The following TANC1 variants were observed in gnomAD, a reference collection of about 807,000 sequenced individuals.
The protein encoded by TANC1 is protein TANC1.
Under a neutral mutation model 149.7 loss-of-function variants are expected in TANC1, and 77 were observed. That is an observed-to-expected ratio of 0.51 (90% CI 0.43 to 0.62). The LOEUF (loss-of-function observed/expected upper bound fraction) is 0.62. Among genes scored for constraint, TANC1 ranks in the 20% least tolerant of loss-of-function variants. The pLI is 0.00. For synonymous variants in TANC1, 854 were observed against 925.0 expected (o/e 0.92, Z 1.39); for missense variants, 1,985 against 2,321.8 (o/e 0.85, Z 2.98).
At position 159,230,480 on chromosome 2, in the gene TANC1, G is replaced by A. The variant is rs2060281222; in HGVS notation, c.5054G>A (p.Ser1685Asn). The A allele has an allele frequency of 6.2e-7, 1 of 1,614,070 alleles. No homozygotes were observed. Among genetic ancestry groups the A allele is most frequent in the Non-Finnish European group, 8.5e-7 (1 of 1,180,050 alleles). Residue 1685 changes from serine to asparagine, a missense_variant, in exon 27 of 27, where the codon AGC (serine) becomes AAC (asparagine). Ser to Asn is a conservative substitution (Grantham distance 46). Around this residue, in one of 3 missense-constraint regions of TANC1, gnomAD observed 920 missense variants for 994.7 expected, o/e 0.92. Transcript: ENST00000263635. The surrounding 1 kb of genome is among the most constrained non-coding windows in gnomAD (Gnocchi z 4.4). ...MSSSTSSLTS[S>N]SSFSDGFKVQ... Reference sequence around the variant, plus strand: ...AGTTCAACCAGTAGTTTGACTTCGAGCAGCAGTTTTTCAGATGGCTTCAAG... The same window carrying A: ...AGTTCAACCAGTAGTTTGACTTCGAACAGCAGTTTTTCAGATGGCTTCAAG...
At chr2:159,122,975 G>A (rs72945717) in intron 4 of TANC1, among the ~76,000 whole-genome samples, 4 of 152,104 alleles carry the variant, frequency 2.6e-5, no homozygotes, top group Non-Finnish European at 5.9e-5. Flanking sequence ...ACCTAGTCAG[G>A]TTGAAACTAT....
intron 3 of TANC1, among the ~76,000 whole-genome samples, chr2:159,068,248 C>A (rs1411360131): frequency 6.6e-6 from 1 of 152,146 alleles, no homozygotes. Flanking sequence ...TAAATCATAG[C>A]TAAGATTTTC....
intron 8 of TANC1, among the ~76,000 whole-genome samples, chr2:159,165,436 T>C (rs375600740): frequency 6.6e-6 from 1 of 152,236 alleles, no homozygotes; most frequent in African/African-American, 2.4e-5. Context: ...TTAAACTAAA[T>C]GCATATTTTG....
At chr2:159,215,181 ACTGC>A (rs1030711087) in intron 19 of TANC1, among the ~76,000 whole-genome samples, 3 of 152,280 alleles carry the variant, frequency 2.0e-5, no homozygotes, top group African/African-American at 7.2e-5. Context: ...CAAGACCAGG[ACTGC>A]CTGCTGCCCA....
intron 4 of TANC1, among the ~76,000 whole-genome samples, chr2:159,100,180 G>T (rs1471210266): frequency 6.6e-6 from 1 of 152,176 alleles, no homozygotes; most frequent in African/African-American, 2.4e-5. Context: ...TACTGCAAAT[G>T]AATTAATGTT....
At chr2:159,146,303 AG>A (rs767044755) in intron 5 of TANC1, among the ~76,000 whole-genome samples, 11 of 152,326 alleles carry the variant, frequency 7.2e-5, no homozygotes, top group Non-Finnish European at 1.6e-4. Flanking sequence ...GGACCTTTTA[AG>A]GGGATGATCA....
chr2:159,190,899 A>G (rs1178371370), intron 16 of TANC1, among the ~76,000 whole-genome samples: 1 of 152,204 alleles, frequency 6.6e-6, no homozygotes, highest in Non-Finnish European at 1.5e-5. Context: ...AATGCTTTTG[A>G]ATTAGATCAG....
intron 1 of TANC1, among the ~76,000 whole-genome samples, chr2:158,991,615 G>A (rs1407352201): frequency 2.0e-5 from 3 of 152,028 alleles, no homozygotes; most frequent in South Asian, 2.1e-4. Context: ...TTAGCCAGGC[G>A]TGGTGGCGGG....
intron 4 of TANC1, among the ~76,000 whole-genome samples, chr2:159,111,082 G>A (rs975188557): frequency 2.0e-5 from 3 of 152,224 alleles, no homozygotes; most frequent in African/African-American, 7.2e-5. Context: ...CCAGCTCTTA[G>A]AACTGGTGAT....
chr2:159,016,581 G>T (rs264617), intron 2 of TANC1, among the ~76,000 whole-genome samples: 65,714 of 147,106 alleles, frequency 0.45, 15,087 homozygotes, highest in African/African-American at 0.57. Flanking sequence ...AAAATTTTTT[G>T]TTTTTTTTTT....
chr2:159,110,678 A>T (rs956808273), intron 4 of TANC1, among the ~76,000 whole-genome samples: 5 of 152,228 alleles, frequency 3.3e-5, no homozygotes, highest in African/African-American at 9.7e-5. Context: ...TTTAAACAAG[A>T]TGTAGACTGT....
intron 7 of TANC1, among the ~76,000 whole-genome samples, chr2:159,151,374 T>C (rs1295503239): frequency 6.6e-6 from 1 of 152,252 alleles, no homozygotes; most frequent in Non-Finnish European, 1.5e-5. Flanking sequence ...AGGTAACAGA[T>C]GGGTGGGACC....
At chr2:159,110,244 A>G (rs927702011) in intron 4 of TANC1, among the ~76,000 whole-genome samples, 1 of 152,210 alleles carries the variant, frequency 6.6e-6, no homozygotes, top group Non-Finnish European at 1.5e-5. Flanking sequence ...CATTTAGTGC[A>G]AGCGAAGGAT....
chr2:159,228,620 A>G, intron 25 of TANC1, 176 bp from the exon 26 acceptor site: 1 of 601,562 alleles, frequency 1.7e-6, no homozygotes, highest in Non-Finnish European at 3.0e-6. Flanking sequence ...TCCTAATGAT[A>G]TTAATCAACC....
chr2:159,179,856 G>A (rs983103538), intron 14 of TANC1, among the ~76,000 whole-genome samples: 8 of 152,178 alleles, frequency 5.3e-5, no homozygotes, highest in African/African-American at 7.2e-5. Flanking sequence ...AAAGTTTGAG[G>A]ATGCAGATGC....
chr2:159,105,126 C>T (rs2047046585), intron 4 of TANC1, among the ~76,000 whole-genome samples: 1 of 144,212 alleles, frequency 6.9e-6, no homozygotes, highest in Non-Finnish European at 1.5e-5. Context: ...TTCCGAGTAG[C>T]TGGGACTACA....
rs1328095265 is a variant in TANC1 at position 159,230,566 on chromosome 2, G to A, written c.5140G>A (p.Ala1714Thr). ...TGTAACCCACGTTCAGAGCGGTACA[G>A]CTGAGCACAGACCCCGCAACACGCC... ...KVVTHVQSGT[A>T]EHRPRNTPFM... Residue 1714 changes from alanine to threonine, a missense_variant, in exon 27 of 27, where the codon GCT becomes ACT. Ala to Thr is a moderately conservative substitution (Grantham distance 58). Transcript: ENST00000263635. The surrounding 1 kb of genome is among the most constrained non-coding windows in gnomAD (Gnocchi z 4.4). The A allele has an allele frequency of 6.2e-7, 1 of 1,614,200 alleles. No individual in the cohort carries two copies. Among genetic ancestry groups the A allele is most frequent in the Non-Finnish European group, 8.5e-7 (1 of 1,180,046 alleles).
At chr2:159,159,570 A>T (rs181056526) in intron 7 of TANC1, among the ~76,000 whole-genome samples, 1 of 152,288 alleles carries the variant, frequency 6.6e-6, no homozygotes, top group East Asian at 1.9e-4. Context: ...ACTTTTAGCC[A>T]CAGATAATTA....
chr2:159,164,946 C>T (rs1254568917), intron 8 of TANC1, among the ~76,000 whole-genome samples: 1 of 152,194 alleles, frequency 6.6e-6, no homozygotes, highest in Non-Finnish European at 1.5e-5. Flanking sequence ...ACAAGCTTTC[C>T]TGTCCTCCCA....
Sources: gnomAD v4.1 joint callset for allele counts (sites outside exome capture counted in the v4.1 genomes callset) on GRCh38, gnomAD v4.1.1 for gene constraint, gnomAD v4.1.1 regional missense constraint, Gnocchi (gnomAD v3.1) non-coding constraint, MANE v1.5 for transcripts, NCBI Gene and HGNC (gene_info 2026-07-23, HGNC 2026-07-21) for gene names.